Variants in CNTNAP4 observed in about 807,000 individuals in gnomAD.
The protein encoded by CNTNAP4 is contactin-associated protein-like 4.
Under a neutral mutation model 148.4 loss-of-function variants are expected in CNTNAP4, and 98 were observed. The observed-to-expected ratio is 0.66, with a 90% CI of 0.56 to 0.78. The LOEUF (loss-of-function observed/expected upper bound fraction) is 0.78. Among genes scored for constraint, CNTNAP4 ranks in the 30% least tolerant of loss-of-function variants. The pLI is 0.00. For missense variants in CNTNAP4, 1,935 were observed against 1,565.6 expected, an observed-to-expected ratio of 1.24 and a Z score of -3.98; for synonymous variants, 730 against 565.1, an observed-to-expected ratio of 1.29 and a Z score of -4.14.
chr16:76,486,254 A>C lies in CNTNAP4; in HGVS notation c.1883-3432A>C, dbSNP rs562691112. 4.1e-4 allele frequency among the ~76,000 whole-genome samples: 63 copies of C among 152,332 alleles called. 1 individual carries two copies. Among genetic ancestry groups the C allele is most frequent in the Admixed American group, 4.1e-3 (63 of 15,304 alleles). The stretch of plus-strand genomic sequence containing the variant: ...TTTAGTAAAAGATAATTGGTAATAA[A>C]GTAAAATCATGATTCTCATACAGAT... On this transcript the variant is annotated intron_variant, in intron 12 of 23. Transcript: ENST00000611870.
chr16:76,425,255 G>T (rs78766189), intron 3 of CNTNAP4, among the ~76,000 whole-genome samples: 1 of 152,126 alleles, frequency 6.6e-6, no homozygotes, highest in African/African-American at 2.4e-5. Context: ...TTTGAGATGC[G>T]CTAGGTAAGT....
At chr16:76,518,434 A>G (rs1827956) in intron 15 of CNTNAP4, among the ~76,000 whole-genome samples, 23,148 of 152,102 alleles carry the variant, frequency 0.15, 2,542 homozygotes, top group African/African-American at 0.31. Context: ...GGCCTAAAAA[A>G]TTATTCTAAA....
chr16:76,419,200 C>G (rs187757436), intron 3 of CNTNAP4, among the ~76,000 whole-genome samples: 3 of 151,970 alleles, frequency 2.0e-5, no homozygotes, highest in East Asian at 1.9e-4. Context: ...GGTTTCCAAT[C>G]TATTTCTGTG....
intron 8 of CNTNAP4, among the ~76,000 whole-genome samples, chr16:76,454,111 C>CTTTTTTTTTTT (rs11302612): frequency 7.7e-6 from 1 of 130,098 alleles, no homozygotes. Context: ...CTATTTCTTT[C>CTTTTTTTTTTT]TTTTTTTTTT....
intron 4 of CNTNAP4, among the ~76,000 whole-genome samples, chr16:76,438,190 A>C (rs2079904460): frequency 6.6e-6 from 1 of 152,102 alleles, no homozygotes; most frequent in African/African-American, 2.4e-5. Flanking sequence ...TTAGAAGAAG[A>C]TCAGAGAGCA....
At chr16:76,281,835 T>TA (rs1958698556) in intron 1 of CNTNAP4, among the ~76,000 whole-genome samples, 1 of 151,928 alleles carries the variant, frequency 6.6e-6, no homozygotes, top group Admixed American at 6.6e-5. Context: ...TTCTTCATGG[T>TA]AAAAAATAAT....
At chr16:76,438,531 T>G (rs1272727769) in intron 4 of CNTNAP4, among the ~76,000 whole-genome samples, 1 of 152,114 alleles carries the variant, frequency 6.6e-6, no homozygotes, top group African/African-American at 2.4e-5. Flanking sequence ...GAGGACATAT[T>G]GTTATATCCT....
At chr16:76,544,498 T>A (rs1358042709) in intron 21 of CNTNAP4, among the ~76,000 whole-genome samples, 2 of 152,188 alleles carry the variant, frequency 1.3e-5, no homozygotes, top group East Asian at 3.9e-4. Context: ...AACTACCTGT[T>A]ACAATTAAAA....
intron 7 of CNTNAP4, among the ~76,000 whole-genome samples, chr16:76,450,181 A>G (rs1032932102): frequency 4.6e-5 from 7 of 151,554 alleles, no homozygotes; most frequent in Non-Finnish European, 1.5e-5. Context: ...ATGAAGTCTC[A>G]CTCTGTCACC....
chr16:76,438,148 G>T (rs1165276782), intron 4 of CNTNAP4, among the ~76,000 whole-genome samples: 2 of 152,066 alleles, frequency 1.3e-5, no homozygotes, highest in Non-Finnish European at 2.9e-5. Context: ...ATTTCAAGTT[G>T]CCAGAGAGGC....
chr16:76,358,239 G>A (rs1432090998), intron 3 of CNTNAP4, among the ~76,000 whole-genome samples: 2 of 152,172 alleles, frequency 1.3e-5, no homozygotes, highest in African/African-American at 4.8e-5. Flanking sequence ...GGGAGGCTGA[G>A]ATGGGAGGAT....
chr16:76,543,830 A>G (rs1055877640), intron 21 of CNTNAP4, among the ~76,000 whole-genome samples: 9 of 152,172 alleles, frequency 5.9e-5, no homozygotes, highest in African/African-American at 2.2e-4. Context: ...CCCTTGGTCA[A>G]TTAATCTCCC....
chr16:76,503,947 GA>G (rs1352392824), intron 15 of CNTNAP4, among the ~76,000 whole-genome samples: 4 of 151,666 alleles, frequency 2.6e-5, no homozygotes, highest in Non-Finnish European at 5.9e-5. Flanking sequence ...AAATTATTAA[GA>G]AAAAATTAAG....
intron 3 of CNTNAP4, among the ~76,000 whole-genome samples, chr16:76,381,204 G>A (rs1404774901): frequency 3.3e-5 from 5 of 152,298 alleles, no homozygotes; most frequent in African/African-American, 1.2e-4. Flanking sequence ...CTTTCTGTGT[G>A]TGTGTGTGAG....
At chr16:76,355,041 C>G (rs376637897) in intron 2 of CNTNAP4, among the ~76,000 whole-genome samples, 12 of 152,244 alleles carry the variant, frequency 7.9e-5, no homozygotes, top group African/African-American at 2.9e-4. Flanking sequence ...GAATGTTCAC[C>G]TATCATATTA....
intron 3 of CNTNAP4, among the ~76,000 whole-genome samples, chr16:76,416,221 G>A (rs1290806344): frequency 6.6e-6 from 1 of 151,046 alleles, no homozygotes; most frequent in East Asian, 1.9e-4. Flanking sequence ...CCACCTTTTA[G>A]TTTGTTGATT....
Position 76,503,333 on chromosome 16 carries a change from TG to T in CNTNAP4, c.2365+4641del, listed in dbSNP as rs540899095. ...CAAAAGTTAATCAACCTGATTTTAA[TG>T]GCAAATCAGGTTGCCATTAAAAGAA... On this transcript the variant is annotated intron_variant, in intron 15 of 23. Transcript: ENST00000611870. Among the ~76,000 whole-genome samples, 693 of 152,238 alleles carry T rather than the reference TG, an allele frequency of 4.6e-3. 2 individuals are homozygous for T. Among genetic ancestry groups the T allele is most frequent in the Middle Eastern group, 0.034 (10 of 292 alleles).
At chr16:76,298,717 C>G (rs534414703) in intron 1 of CNTNAP4, among the ~76,000 whole-genome samples, 1 of 152,176 alleles carries the variant, frequency 6.6e-6, no homozygotes, top group Admixed American at 6.6e-5. Context: ...GGGATGCTGG[C>G]CAACTGGACT....
In CNTNAP4 at chr16:76,510,820, T is replaced by G. The variant is rs193265172; in HGVS notation, c.2366-10320T>G. On this transcript the variant is annotated intron_variant, in intron 15 of 23. Coordinates refer to ENST00000611870, the MANE Select transcript of CNTNAP4 (RefSeq NM_033401.5). ...CACTTCAGAAGTAAACTAGACTGGA[T>G]AAATTTTCTTTCTCTCAGGAATCTA... Among the ~76,000 whole-genome samples, 3 of 152,258 alleles carry G rather than the reference T, an allele frequency of 2.0e-5. No homozygotes were observed. In the East Asian group the frequency reaches 5.8e-4, roughly 29 times the overall value.
Sources: allele counts gnomAD v4.1 joint callset (sites outside exome capture counted in the v4.1 genomes callset), GRCh38; gene constraint gnomAD v4.1.1; transcripts MANE v1.5; gene names NCBI Gene and HGNC (gene_info 2026-07-23, HGNC 2026-07-21).